Variants in PCDH15 observed in about 807,000 individuals in gnomAD.
The protein encoded by PCDH15 is protocadherin-15.
PCDH15 carries 129 observed loss-of-function variants against 178.5 expected under a neutral mutation model. The observed-to-expected ratio is 0.72, with a 90% confidence interval of 0.63 to 0.84. The LOEUF is 0.84. Among genes scored for constraint, PCDH15 ranks in the 40% least tolerant of loss-of-function variants. The probability of loss-of-function intolerance (pLI) is 0.00; values close to 1 mark genes in which losing one functional copy is unlikely to be tolerated. For missense variants in PCDH15, 2,230 were observed against 2,099.9 expected (o/e 1.06, Z -1.21); for synonymous variants, 800 against 732.0 (o/e 1.09, Z -1.50).
intron 1 of PCDH15, among the ~76,000 whole-genome samples, chr10:54,750,978 AC>A (rs1384735314): frequency 6.6e-6 from 1 of 152,120 alleles, no homozygotes; most frequent in Non-Finnish European, 1.5e-5. Context: ...ACAGTAATAA[AC>A]AATTTATGGC....
chr10:55,433,040 ACAAAACAAAACAAAAC>A (rs1297720406), intron 2 of PCDH15, among the ~76,000 whole-genome samples: 2 of 60,072 alleles, frequency 3.3e-5, no homozygotes, highest in South Asian at 9.4e-4. Context: ...ACAAAACAAA[ACAAAACAAAACAAAAC>A]AAAAACAGAA....
intron 2 of PCDH15, among the ~76,000 whole-genome samples, chr10:55,108,568 A>AT (rs2132053550): frequency 6.6e-6 from 1 of 152,242 alleles, no homozygotes; most frequent in African/African-American, 2.4e-5. Context: ...ATTAGGTATG[A>AT]TTTTTATTTG....
intron 10 of PCDH15, among the ~76,000 whole-genome samples, chr10:54,200,355 A>G (rs2050106712): frequency 7.5e-6 from 1 of 133,556 alleles, no homozygotes; most frequent in Non-Finnish European, 1.5e-5. Flanking sequence ...TACACGTCCC[A>G]TGGTGGTTTG....
intron 15 of PCDH15, among the ~76,000 whole-genome samples, chr10:54,126,656 A>G (rs2042015051): frequency 6.6e-6 from 1 of 152,074 alleles, no homozygotes; most frequent in East Asian, 1.9e-4. Context: ...TTTTAAAAAT[A>G]TATTTTCTAT....
chr10:55,067,159 A>C (rs1841585893), intron 2 of PCDH15, among the ~76,000 whole-genome samples: 1 of 151,976 alleles, frequency 6.6e-6, no homozygotes, highest in South Asian at 2.1e-4. Flanking sequence ...TAGTTACTCT[A>C]GTCTGCTATC....
At chr10:54,803,965 A>C (rs1952732447), upstream of PCDH15, among the ~76,000 whole-genome samples, 1 of 152,246 alleles carries the variant, frequency 6.6e-6, no homozygotes, top group Non-Finnish European at 1.5e-5. Flanking sequence ...TTTTAAGGAT[A>C]GTTATATAGC....
At chr10:54,552,899 G>C (rs1222050636) in intron 2 of PCDH15, among the ~76,000 whole-genome samples, 3 of 152,110 alleles carry the variant, frequency 2.0e-5, no homozygotes, top group African/African-American at 7.2e-5. Context: ...AATGCCTACA[G>C]ATCAATTTAC....
chr10:54,521,176 A>C (rs1036103638), intron 3 of PCDH15, among the ~76,000 whole-genome samples: 3 of 152,220 alleles, frequency 2.0e-5, no homozygotes, highest in Admixed American at 6.5e-5. Context: ...ACAAACCTGC[A>C]CATTGTGCAC....
chr10:55,424,051 A>T (rs541350112), intron 2 of PCDH15, among the ~76,000 whole-genome samples: 2 of 152,198 alleles, frequency 1.3e-5, no homozygotes, highest in African/African-American at 4.8e-5. Context: ...TTTTGTCCAG[A>T]TCTATTTTTG....
chr10:54,013,658 T>C (rs2092656928), intron 20 of PCDH15, among the ~76,000 whole-genome samples: 1 of 152,036 alleles, frequency 6.6e-6, no homozygotes, highest in African/African-American at 2.4e-5. Flanking sequence ...CTCAATTATC[T>C]CTGGGTAAAC....
chr10:53,826,050 T>TA (rs1213572492), intron 32 of PCDH15, among the ~76,000 whole-genome samples: 1 of 151,780 alleles, frequency 6.6e-6, no homozygotes, highest in African/African-American at 2.4e-5. Context: ...TCCTTTTTTT[T>TA]AGTTTCTAAA....
intron 2 of PCDH15, among the ~76,000 whole-genome samples, chr10:54,536,180 A>T (rs1050712779): frequency 2.6e-5 from 4 of 152,328 alleles, no homozygotes; most frequent in African/African-American, 9.6e-5. Flanking sequence ...AGTCACATTT[A>T]ACACCTTGCT....
chr10:54,965,853 T>C (rs375864815), intron 2 of PCDH15, among the ~76,000 whole-genome samples: 1 of 151,074 alleles, frequency 6.6e-6, no homozygotes, highest in South Asian at 2.1e-4. Flanking sequence ...AATACCAAAA[T>C]CATTAATATC....
At chr10:54,933,487 A>T (rs1187760625) in intron 2 of PCDH15, among the ~76,000 whole-genome samples, 1 of 152,198 alleles carries the variant, frequency 6.6e-6, no homozygotes, top group Non-Finnish European at 1.5e-5. Context: ...ATTTCCTACA[A>T]CCTGATACAC....
At chr10:54,085,750 T>C (rs1368194799) in intron 16 of PCDH15, among the ~76,000 whole-genome samples, 1 of 152,148 alleles carries the variant, frequency 6.6e-6, no homozygotes, top group Non-Finnish European at 1.5e-5. Context: ...AAAATAATAA[T>C]TCAGTACTTT....
At chr10:54,018,595 A>G (rs2092815513) in intron 20 of PCDH15, among the ~76,000 whole-genome samples, 1 of 152,140 alleles carries the variant, frequency 6.6e-6, no homozygotes, top group Non-Finnish European at 1.5e-5. Flanking sequence ...CTCCAGGATT[A>G]GATAACCTAA....
chr10:54,436,095 G>T (rs2075392413), intron 3 of PCDH15, among the ~76,000 whole-genome samples: 2 of 147,496 alleles, frequency 1.4e-5, no homozygotes, highest in Admixed American at 1.3e-4. Flanking sequence ...GGGAAGGAGG[G>T]AAGGAGGGAA....
chr10:55,460,987 A>C (rs1438986270), intron 2 of PCDH15, among the ~76,000 whole-genome samples: 3 of 152,038 alleles, frequency 2.0e-5, no homozygotes, highest in Middle Eastern at 3.2e-3. Flanking sequence ...ATTCTACCCC[A>C]AACCACCTGA....
rs1041718476 is a variant in PCDH15, at chr10:55,371,717, C to T, written c.-155-205066G>A. Among the ~76,000 whole-genome samples the T allele has an allele frequency of 2.6e-5, 4 of 152,144 alleles. No individual in the cohort carries two copies. In the South Asian group the frequency reaches 8.3e-4, roughly 32 times the overall value. ...CCTCCCAGCCATGTTTCCTGTATAG[C>T]CTGCAGAGCTGTGAGTCAATTAAAC... On this transcript the variant is annotated intron_variant, in intron 2 of 5. Coordinates refer to the PCDH15 transcript ENST00000613346.
Sources: gnomAD v4.1 joint callset for allele counts (sites outside exome capture counted in the v4.1 genomes callset) on GRCh38, gnomAD v4.1.1 for gene constraint, MANE v1.5 for transcripts, NCBI Gene and HGNC (gene_info 2026-07-23, HGNC 2026-07-21) for gene names.